SCML4: variants seen among roughly 807,000 people sequenced by gnomAD.
The protein encoded by SCML4 is sex comb on midleg-like protein 4.
Under a neutral mutation model 41.1 loss-of-function variants are expected in SCML4, and 34 were observed. The observed-to-expected ratio is 0.83, with a 90% CI of 0.63 to 1.10. The LOEUF is 1.10. Among genes scored for constraint, SCML4 ranks in the 50% least tolerant of loss-of-function variants. SCML4 has a pLI of 0.00. For synonymous variants in SCML4, 214 were observed against 220.9 expected (o/e 0.97, Z 0.28); for missense variants, 522 against 534.1 (o/e 0.98, Z 0.22).
intron 1 of SCML4, among the ~76,000 whole-genome samples, chr6:107,807,473 A>G (rs1159128646): frequency 6.6e-6 from 1 of 152,236 alleles, no homozygotes; most frequent in Admixed American, 6.5e-5. Context: ...CAGCTGCCAC[A>G]GCACAGAGTT....
chr6:107,749,875 T>C, intron 2 of SCML4, 62 bp from the exon 3 acceptor site: 3 of 1,577,356 alleles, frequency 1.9e-6, no homozygotes, highest in Non-Finnish European at 1.7e-6. Context: ...CTCTTCCAGA[T>C]TCTGTCCTAG....
At chr6:107,781,969 A>G (rs6932704) in intron 1 of SCML4, among the ~76,000 whole-genome samples, 68,547 of 152,066 alleles carry the variant, frequency 0.45, 16,566 homozygotes, top group African/African-American at 0.62. Context: ...CCATTCCACC[A>G]TTGGCTAAAC....
At chr6:107,761,808 C>CTTT (rs71015510) in intron 2 of SCML4, among the ~76,000 whole-genome samples, 19 of 147,736 alleles carry the variant, frequency 1.3e-4, no homozygotes, top group Non-Finnish European at 1.3e-4. Flanking sequence ...AAAAAAAAGT[C>CTTT]TTTTTTTTTT....
intron 3 of SCML4, among the ~76,000 whole-genome samples, chr6:107,748,052 A>G (rs1414671930): frequency 2.0e-5 from 3 of 152,368 alleles, no homozygotes; most frequent in South Asian, 4.1e-4. Flanking sequence ...TGAGAAAAAA[A>G]CTATCCAAAA....
At chr6:107,776,347 C>T (rs1004371404) in intron 1 of SCML4, among the ~76,000 whole-genome samples, 6 of 151,954 alleles carry the variant, frequency 3.9e-5, no homozygotes, top group Admixed American at 6.6e-5. Flanking sequence ...TAGCAAAAAC[C>T]GCAATTACTT....
At chr6:107,802,860 C>T (rs1466930203) in intron 1 of SCML4, among the ~76,000 whole-genome samples, 1 of 151,934 alleles carries the variant, frequency 6.6e-6, no homozygotes, top group Non-Finnish European at 1.5e-5. Context: ...TCTCCTGCCT[C>T]AGCCTGCCGA....
intron 1 of SCML4, among the ~76,000 whole-genome samples, chr6:107,781,554 G>T (rs1781498130): frequency 6.6e-6 from 1 of 152,080 alleles, no homozygotes; most frequent in African/African-American, 2.4e-5. Flanking sequence ...GGCTGAAGTG[G>T]GAGGATTGCT....
Position 107,755,638 on chromosome 6 carries a change from A to G in SCML4, c.157-5825T>C, listed in dbSNP as rs1455717266. The G allele has an allele frequency of 5.3e-6, 7 of 1,329,744 alleles. No homozygotes were observed. The East Asian group carries it at 2.4e-4, about 45-fold the overall frequency. 82.4% of individuals were successfully genotyped at this position (1,329,744 alleles called of 1,614,324 possible). The stretch of plus-strand genomic sequence containing the variant: ...TATCCAAGCTGTTCTCTGGCAGGGC[A>G]TTTGTCTTTGTTGTTGCCTTAGGTT... On this transcript the variant is annotated intron_variant, in intron 2 of 7. Transcript: ENST00000369020.
chr6:107,756,469 C>G (rs1290446378), intron 2 of SCML4, among the ~76,000 whole-genome samples: 1 of 152,062 alleles, frequency 6.6e-6, no homozygotes, highest in African/African-American at 2.4e-5. Context: ...AAAGTCATCA[C>G]AAAAGGAAAT....
the SCML4 span, among the ~76,000 whole-genome samples, chr6:107,832,867 A>G: frequency 6.6e-6 from 1 of 152,218 alleles, no homozygotes; most frequent in Non-Finnish European, 1.5e-5. Context: ...AGGAAGAGCC[A>G]CAGAAATTAG....
intron 1 of SCML4, among the ~76,000 whole-genome samples, chr6:107,813,967 C>G (rs1024719497): frequency 6.6e-6 from 1 of 152,228 alleles, no homozygotes; most frequent in African/African-American, 2.4e-5. Context: ...CACTGCATGG[C>G]AGCCTCAGGG....
intron 1 of SCML4, among the ~76,000 whole-genome samples, chr6:107,816,271 C>A (rs1317100019): frequency 6.6e-6 from 1 of 152,236 alleles, no homozygotes; most frequent in African/African-American, 2.4e-5. Flanking sequence ...CATCCCTGAG[C>A]ACATAATGCT....
the SCML4 span, among the ~76,000 whole-genome samples, chr6:107,834,021 G>A: frequency 6.6e-6 from 1 of 152,200 alleles, no homozygotes; most frequent in African/African-American, 2.4e-5. Flanking sequence ...TAAATACACT[G>A]TGACAAATGG....
intron 5 of SCML4, chr6:107,744,146 G>GA (rs1252650785): frequency 6.6e-6 from 1 of 152,052 alleles, no homozygotes; most frequent in Non-Finnish European, 1.5e-5. Flanking sequence ...TTCAGAGAAA[G>GA]AAAAAAAGCA....
At chr6:107,798,186 C>T (rs956499846) in intron 1 of SCML4, among the ~76,000 whole-genome samples, 7 of 151,716 alleles carry the variant, frequency 4.6e-5, no homozygotes, top group Admixed American at 4.6e-4. Context: ...TCTCAAAGAG[C>T]ATATATAAGA....
chr6:107,792,505 G>A (rs529373243), intron 1 of SCML4, among the ~76,000 whole-genome samples: 1 of 152,254 alleles, frequency 6.6e-6, no homozygotes, highest in Non-Finnish European at 1.5e-5. Context: ...GCCGAGGCAG[G>A]CGGATCACCA....
the SCML4 span, among the ~76,000 whole-genome samples, chr6:107,844,798 A>G: frequency 0.22 from 33,193 of 151,952 alleles, 3,723 homozygotes; most frequent in Middle Eastern, 0.26. Context: ...ATGGTGGCTC[A>G]CACCTGTAAT....
intron 6 of SCML4, among the ~76,000 whole-genome samples, chr6:107,717,902 T>C (rs573877622): frequency 1.1e-4 from 16 of 152,330 alleles, no homozygotes; most frequent in Non-Finnish European, 1.2e-4. Context: ...GGTTCAGGTA[T>C]TGATGTTCTT....
intron 1 of SCML4, among the ~76,000 whole-genome samples, chr6:107,814,583 T>C (rs1283495507): frequency 6.6e-6 from 1 of 152,180 alleles, no homozygotes; most frequent in Non-Finnish European, 1.5e-5. Context: ...GACAGGATCT[T>C]ACTCTGTCAC....
Sources: allele counts gnomAD v4.1 joint callset (sites outside exome capture counted in the v4.1 genomes callset), GRCh38; gene constraint gnomAD v4.1.1; transcripts MANE v1.5; gene names NCBI Gene and HGNC (gene_info 2026-07-23, HGNC 2026-07-21).